TM2D2: variants seen among roughly 807,000 people sequenced by gnomAD.
TM2D2 encodes TM2 domain containing 2.
Under a neutral mutation model 23.0 loss-of-function variants are expected in TM2D2, and 19 were observed. The observed-to-expected ratio is 0.82, with a 90% CI of 0.58 to 1.21. The LOEUF is 1.21. Among genes scored for constraint, TM2D2 ranks in the 50% most tolerant of loss-of-function variants. The probability of loss-of-function intolerance (pLI) is 0.00; values close to 1 mark genes in which losing one functional copy is unlikely to be tolerated. For missense variants in TM2D2, 246 were observed against 265.4 expected (o/e 0.93, Z 0.51); for synonymous variants, 120 against 108.8 (o/e 1.10, Z -0.64).
intron 1 of TM2D2, 135 bp from the exon 2 acceptor site, chr8:38,995,540 CT>C: frequency 6.6e-7 from 1 of 1,522,974 alleles, no homozygotes; most frequent in East Asian, 2.5e-5. Context: ...CTGCTGACCC[CT>C]TTCCAAGCCA....
At chr8:38,995,463 T>C (rs1423465171) in intron 1 of TM2D2, 58 bp from the exon 2 acceptor site, 3 of 1,599,616 alleles carry the variant, frequency 1.9e-6, no homozygotes, top group East Asian at 2.3e-5. Flanking sequence ...AATCGCTGTT[T>C]GCATGCACGT....
Position 38,996,504 on chromosome 8 carries a change from A to G in TM2D2, c.-65T>C. 2.5e-6 allele frequency: 4 copies of G among 1,594,974 alleles called. No homozygotes were observed. The highest frequency in any genetic ancestry group is 1.7e-5 in the Admixed American group (1 of 58,516). On this transcript the variant is annotated 5_prime_UTR_variant, in exon 1 of 4. Coordinates refer to ENST00000456397, the MANE Select transcript of TM2D2 (RefSeq NM_078473.3). ...ACCCCAGGCCAGCAGCACAGACCCA[A>G]GAACTGCGTGGTCAGGCCTTTCCGC... is the stretch of plus-strand genomic sequence containing the variant.
upstream of TM2D2, chr8:38,996,908 T>G: frequency 6.9e-7 from 1 of 1,448,340 alleles, no homozygotes; most frequent in Non-Finnish European, 9.3e-7. Flanking sequence ...AGGGCTCAGT[T>G]GCGTCAGTGC....
At position 38,991,515 on chromosome 8, in the gene TM2D2, T is replaced by A; in HGVS notation, c.462A>T (p.Leu154Phe). Residue 154 changes from leucine to phenylalanine, a missense_variant, in exon 4 of 4, where the codon TTA becomes TTT. Leu to Phe is a conservative substitution (Grantham distance 22). Around this residue, in one of 2 missense-constraint regions of TM2D2, gnomAD observed 212 missense variants for 202.2 expected, o/e 1.05. Transcript: ENST00000456397. ...AACATCCCAGGAAGAAGGAGTAGAG[T>A]AAAGTGGTTATGAAGTAGTGTCCGG... The part of the protein sequence containing the change: ...KYTGHYFITT[L>F]LYSFFLGCFG... 1 of 1,613,554 alleles carries A rather than the reference T, an allele frequency of 6.2e-7. No individual in the cohort carries two copies. Among genetic ancestry groups the A allele is most frequent in the Admixed American group, 1.7e-5 (1 of 59,998 alleles).
At chr8:38,992,124 C>T (rs1340720121) in intron 3 of TM2D2, among the ~76,000 whole-genome samples, 2 of 151,972 alleles carry the variant, frequency 1.3e-5, no homozygotes, top group Admixed American at 6.6e-5. Flanking sequence ...AGTCTCTTCA[C>T]AGCCAGAAAG....
At chr8:38,992,742 C>G (rs931975175) in intron 3 of TM2D2, among the ~76,000 whole-genome samples, 1 of 152,176 alleles carries the variant, frequency 6.6e-6, no homozygotes, top group African/African-American at 2.4e-5. Context: ...TCCTGAGACT[C>G]AGCTGGCTTC....
At chr8:38,991,620 G>GT (rs1588300283) in intron 3 of TM2D2, 75 bp from the exon 4 acceptor site, 5 of 1,152,728 alleles carry the variant, frequency 4.3e-6, no homozygotes, top group Non-Finnish European at 6.4e-6. Context: ...TGAATTTAAC[G>GT]TAAGTGATGA....
At chr8:38,995,210 G>A in intron 2 of TM2D2, 108 bp downstream of exon 2, 1 of 803,530 alleles carries the variant, frequency 1.2e-6, no homozygotes, top group Non-Finnish European at 1.9e-6. Flanking sequence ...GTCTTTCTGA[G>A]GAAATTCTTC....
upstream of TM2D2, chr8:38,996,705 T>C (rs1470998392): frequency 1.4e-6 from 2 of 1,420,498 alleles, no homozygotes; most frequent in Middle Eastern, 2.6e-4. Context: ...TTGCGCCGAA[T>C]GCGTTCTCCA....
intron 3 of TM2D2, 32 bp downstream of exon 3, chr8:38,993,512 AG>A: frequency 1.3e-6 from 2 of 1,518,852 alleles, no homozygotes; most frequent in Non-Finnish European, 1.8e-6. Context: ...CCTCCAACCA[AG>A]TACCAACTAC....
At chr8:38,996,789 G>A (rs112394166), upstream of TM2D2, 24 of 1,426,086 alleles carry the variant, frequency 1.7e-5, 1 homozygote, top group African/African-American at 2.6e-4. Context: ...CTGGCGGGCC[G>A]ACTAGTGCTG....
chr8:38,990,790 TACTC>T lies in TM2D2; in HGVS notation c.*538_*541del, dbSNP rs769724180. 3 of 154,930 alleles carry T rather than the reference TACTC, an allele frequency of 1.9e-5. No homozygotes were observed. The highest frequency in any genetic ancestry group is 2.9e-5 in the Non-Finnish European group (2 of 69,810). The allele number at this position is 154,930 out of a possible 1,614,324, so 9.6% of individuals were successfully genotyped here. A position where few individuals can be genotyped will look rare whatever the true frequency, so the allele number is the denominator to read the frequency against. Reference sequence around the variant, plus strand: ...TTGAGTTTATTCCCCCTACTGAAAATACTCATACAGTACTCCAAGTTGGTAAAAT... The same window carrying T: ...TTGAGTTTATTCCCCCTACTGAAAATATACAGTACTCCAAGTTGGTAAAAT... On this transcript the variant is annotated 3_prime_UTR_variant, in exon 4 of 4. Transcript: ENST00000456397.
chr8:38,994,381 G>A (rs543678284), intron 2 of TM2D2, among the ~76,000 whole-genome samples: 2 of 152,070 alleles, frequency 1.3e-5, no homozygotes, highest in Non-Finnish European at 2.9e-5. Flanking sequence ...AAGGGACTGG[G>A]AAATAAGAAT....
In TM2D2 at chr8:38,995,420, T is replaced by C. The variant is rs1456623423; in HGVS notation, c.228-15A>G. The C allele has an allele frequency of 6.2e-7, 1 of 1,612,484 alleles. No homozygotes were observed. The highest frequency in any genetic ancestry group is 1.3e-5 in the African/African-American group (1 of 74,758). Reference sequence around the variant, plus strand: ...ATTCATCAGGTCTGTAATTCACCAGTAAGATCATGATCATCATCATACGGT... The same window carrying C: ...ATTCATCAGGTCTGTAATTCACCAGCAAGATCATGATCATCATCATACGGT... On this transcript the variant is annotated splice_polypyrimidine_tract_variant and intron_variant, in intron 1 of 3. Coordinates refer to ENST00000456397, the MANE Select transcript of TM2D2 (RefSeq NM_078473.3).
At chr8:38,995,903 T>A in intron 1 of TM2D2, 1 of 834,466 alleles carries the variant, frequency 1.2e-6, no homozygotes, top group Non-Finnish European at 1.7e-6. Context: ...ATCGACCGAC[T>A]AATACTCTCC....
rs1356895144 is a variant in TM2D2, at chr8:38,989,740, A to C, written c.*1592T>G. ...GAAAAGTAGCATCTTATTTTGGGTA[A>C]TATTATAATTTATGTTTTTTAGACT... On this transcript the variant is annotated 3_prime_UTR_variant, in exon 4 of 4. Coordinates refer to ENST00000456397, the MANE Select transcript of TM2D2 (RefSeq NM_078473.3). 6.6e-6 allele frequency: 1 copy of C among 152,162 alleles called. No homozygotes were observed. The highest frequency in any genetic ancestry group is 1.5e-5 in the Non-Finnish European group (1 of 68,018). The allele number at this position is 152,162 out of a possible 1,614,324, so 9.4% of individuals were successfully genotyped here.
intron 1 of TM2D2, chr8:38,995,787 G>C (rs777449932): frequency 4.0e-6 from 5 of 1,239,952 alleles, no homozygotes; most frequent in Admixed American, 4.0e-5. Flanking sequence ...TTAAAAAATG[G>C]CGTGATTCTG....
chr8:38,991,255 G>A lies in TM2D2; in HGVS notation c.*77C>T. Reference sequence around the variant, plus strand: ...ATAACATCAGGTCTGATATCAAAGAGGAGTTTTGAGCCTGTAGAGATGAAT... The same window carrying A: ...ATAACATCAGGTCTGATATCAAAGAAGAGTTTTGAGCCTGTAGAGATGAAT... On this transcript the variant is annotated 3_prime_UTR_variant, in exon 4 of 4. Coordinates refer to ENST00000456397, the MANE Select transcript of TM2D2 (RefSeq NM_078473.3). The A allele has an allele frequency of 8.4e-7, 1 of 1,189,704 alleles. No homozygotes were observed. Among genetic ancestry groups the A allele is most frequent in the Non-Finnish European group, 1.2e-6 (1 of 821,302 alleles). 73.7% of individuals were successfully genotyped at this position (1,189,704 alleles called of 1,614,324 possible).
chr8:38,996,180 C>T (rs781205352), intron 1 of TM2D2, 33 bp downstream of exon 1: 5 of 1,599,450 alleles, frequency 3.1e-6, no homozygotes, highest in Non-Finnish European at 4.3e-6. Context: ...GCACACCCTC[C>T]ACGTCCACCC....
Sources: gnomAD v4.1 joint callset for allele counts (sites outside exome capture counted in the v4.1 genomes callset) on GRCh38, gnomAD v4.1.1 for gene constraint, gnomAD v4.1.1 regional missense constraint, MANE v1.5 for transcripts, NCBI Gene and HGNC (gene_info 2026-07-23, HGNC 2026-07-21) for gene names.